HS3ST5: variants seen among roughly 807,000 people sequenced by gnomAD.
HS3ST5 encodes heparan sulfate glucosamine 3-O-sulfotransferase 5.
HS3ST5 carries 10 observed loss-of-function variants against 25.4 expected under a neutral mutation model. The observed-to-expected ratio is 0.39, with a 90% confidence interval of 0.24 to 0.67. The LOEUF (loss-of-function observed/expected upper bound fraction) is 0.67. HS3ST5 is among the 30% of genes least tolerant of loss of function. HS3ST5 has a pLI of 0.44. For missense variants in HS3ST5, 324 were observed against 420.7 expected (o/e 0.77, Z 2.01); for synonymous variants, 170 against 162.4 (o/e 1.05, Z -0.36).
chr6:114,213,516 T>G (rs540732285), intron 2 of HS3ST5, among the ~76,000 whole-genome samples: 2 of 152,282 alleles, frequency 1.3e-5, no homozygotes, highest in Admixed American at 1.3e-4. Context: ...CTGTTATCAC[T>G]TTTAACCTTT....
At chr6:114,304,258 T>C (rs1775200341) in intron 1 of HS3ST5, among the ~76,000 whole-genome samples, 1 of 152,090 alleles carries the variant, frequency 6.6e-6, no homozygotes, top group Admixed American at 6.6e-5. Flanking sequence ...ATTTGTGATG[T>C]TTTCTTAAAT....
intron 3 of HS3ST5, among the ~76,000 whole-genome samples, chr6:114,095,851 T>G (rs957422196): frequency 2.6e-5 from 4 of 152,138 alleles, no homozygotes; most frequent in African/African-American, 9.7e-5. Flanking sequence ...CCTTCCATAG[T>G]GTAGTTGGTC....
intron 1 of HS3ST5, among the ~76,000 whole-genome samples, chr6:114,277,894 A>G (rs1254300607): frequency 6.6e-6 from 1 of 151,972 alleles, no homozygotes; most frequent in East Asian, 1.9e-4. Flanking sequence ...CAAAAAGATG[A>G]CTATTTTTTT....
At chr6:114,211,287 C>G (rs1426580301) in intron 2 of HS3ST5, among the ~76,000 whole-genome samples, 1 of 152,122 alleles carries the variant, frequency 6.6e-6, no homozygotes. Context: ...GAGAATGGGA[C>G]TTTACATTTA....
At chr6:114,293,041 G>T (rs1411695998) in intron 1 of HS3ST5, among the ~76,000 whole-genome samples, 2 of 151,956 alleles carry the variant, frequency 1.3e-5, no homozygotes, top group East Asian at 1.9e-4. Context: ...ATAATACAGT[G>T]TAAGAAGTGC....
rs1032443915 is a variant in HS3ST5, at chr6:114,149,516, G to A, written c.-33+18835C>T. On this transcript the variant is annotated intron_variant, in intron 3 of 4. Coordinates refer to ENST00000312719, the MANE Select transcript of HS3ST5 (RefSeq NM_153612.4). Reference sequence around the variant, plus strand: ...AAACACCACATGTTCTCACTCATAAGTGGGAGTTGAACAATGAGAACACAT... The same window carrying A: ...AAACACCACATGTTCTCACTCATAAATGGGAGTTGAACAATGAGAACACAT... Among the ~76,000 whole-genome samples the A allele has an allele frequency of 2.2e-4, 34 of 152,260 alleles. 1 individual carries two copies. The highest frequency in any genetic ancestry group is 2.2e-3 in the Admixed American group (33 of 15,298).
At chr6:114,244,741 C>A (rs915237482) in intron 1 of HS3ST5, among the ~76,000 whole-genome samples, 1 of 152,134 alleles carries the variant, frequency 6.6e-6, no homozygotes, top group Non-Finnish European at 1.5e-5. Flanking sequence ...AAATCTGTTC[C>A]TTACCATCTA....
At chr6:114,313,646 G>A (rs1775628855) in intron 1 of HS3ST5, among the ~76,000 whole-genome samples, 1 of 152,186 alleles carries the variant, frequency 6.6e-6, no homozygotes, top group South Asian at 2.1e-4. Context: ...GTTTATTGGG[G>A]AGGAGGTGGT....
chr6:114,301,833 C>T (rs142079696), intron 1 of HS3ST5, among the ~76,000 whole-genome samples: 272 of 152,264 alleles, frequency 1.8e-3, no homozygotes, highest in African/African-American at 6.5e-3. Context: ...CCACCATCCA[C>T]TCATCATCAC....
intron 3 of HS3ST5, among the ~76,000 whole-genome samples, chr6:114,113,024 C>T (rs1776342148): frequency 6.6e-6 from 1 of 152,156 alleles, no homozygotes; most frequent in South Asian, 2.1e-4. Flanking sequence ...CACTTAGTAG[C>T]TCAGGCAAAA....
intron 2 of HS3ST5, among the ~76,000 whole-genome samples, chr6:114,174,593 C>A (rs751288072): frequency 6.6e-6 from 1 of 152,112 alleles, no homozygotes; most frequent in East Asian, 1.9e-4. Context: ...AAATTACTTA[C>A]CAAAGTCGAT....
chr6:114,320,861 C>T (rs985965214), intron 1 of HS3ST5, among the ~76,000 whole-genome samples: 2 of 151,092 alleles, frequency 1.3e-5, no homozygotes, highest in African/African-American at 4.9e-5. Context: ...CTCCAGTATT[C>T]TCAGCACCTA....
intron 2 of HS3ST5, among the ~76,000 whole-genome samples, chr6:114,191,900 C>T (rs1198039596): frequency 6.6e-6 from 1 of 152,112 alleles, no homozygotes; most frequent in African/African-American, 2.4e-5. Context: ...CTCCCCAACA[C>T]GGCATTTAAA....
chr6:114,067,839 G>A (rs1247769747), intron 3 of HS3ST5, among the ~76,000 whole-genome samples: 1 of 152,160 alleles, frequency 6.6e-6, no homozygotes, highest in Non-Finnish European at 1.5e-5. Context: ...AAGACAACTG[G>A]ATTGGGAGTC....
rs200420828 is a variant in HS3ST5 at position 114,264,638 on chromosome 6, GT to G, written c.-338-35861del. 3.8e-3 allele frequency among the ~76,000 whole-genome samples: 574 copies of G among 152,128 alleles called. 6 individuals carry two copies. Among genetic ancestry groups the G allele is most frequent in the African/African-American group, 0.013 (553 of 41,478 alleles). On this transcript the variant is annotated intron_variant, in intron 1 of 4. Coordinates refer to ENST00000312719, the MANE Select transcript of HS3ST5 (RefSeq NM_153612.4). ...TTTCTTCTTATACTTATTTGTAAGA[GT>G]TTTTCATGTTCATTCCATTAAGTAG...
At chr6:114,232,096 G>A (rs1011947114) in intron 1 of HS3ST5, among the ~76,000 whole-genome samples, 1 of 151,962 alleles carries the variant, frequency 6.6e-6, no homozygotes, top group Non-Finnish European at 1.5e-5. Flanking sequence ...TTTTTATCGT[G>A]TGCCTACCAA....
intron 1 of HS3ST5, among the ~76,000 whole-genome samples, chr6:114,247,841 T>G (rs545146512): frequency 6.6e-6 from 1 of 151,810 alleles, no homozygotes; most frequent in South Asian, 2.1e-4. Context: ...CTTGAATTTT[T>G]TTTAAGTCAA....
intron 1 of HS3ST5, among the ~76,000 whole-genome samples, chr6:114,337,062 TTA>T (rs946410934): frequency 3.9e-5 from 6 of 152,334 alleles, no homozygotes; most frequent in African/African-American, 1.4e-4. Context: ...AACCTGTTTA[TTA>T]TTTCACACTT....
In HS3ST5 at chr6:114,145,298, C is replaced by T. The variant is rs1460743614; in HGVS notation, c.-33+23053G>A. 3.9e-5 allele frequency among the ~76,000 whole-genome samples: 6 copies of T among 152,208 alleles called. No individual in the cohort carries two copies. In the South Asian group the frequency reaches 1.2e-3, roughly 31 times the overall value. Reference sequence around the variant, plus strand: ...AACAAAACACCTCACACTGAAATTTCATCATCTCTCCAGGAATAGAGTTTC... The same window carrying T: ...AACAAAACACCTCACACTGAAATTTTATCATCTCTCCAGGAATAGAGTTTC... On this transcript the variant is annotated intron_variant, in intron 3 of 4. Transcript: ENST00000312719.
Sources: allele counts gnomAD v4.1 joint callset (sites outside exome capture counted in the v4.1 genomes callset), GRCh38; gene constraint gnomAD v4.1.1; transcripts MANE v1.5; gene names NCBI Gene and HGNC (gene_info 2026-07-23, HGNC 2026-07-21).